RAB38: variants seen among roughly 807,000 people sequenced by gnomAD.
The protein encoded by RAB38 is RAB38, member RAS oncogene family.
A neutral mutation model predicts 18.4 loss-of-function variants in RAB38; 15 were observed. That is an observed-to-expected ratio of 0.82 (90% CI 0.55 to 1.26). RAB38 has a LOEUF of 1.26. Ranked by LOEUF, RAB38 falls within the 50% of genes most tolerant of loss-of-function variation. The pLI is 0.00. For synonymous variants in RAB38, 101 were observed against 104.4 expected (o/e 0.97, Z 0.20); for missense variants, 294 against 267.4 (o/e 1.10, Z -0.69).
the RAB38 span, among the ~76,000 whole-genome samples, chr11:87,944,847 T>C: frequency 1.3e-5 from 2 of 152,070 alleles, no homozygotes; most frequent in East Asian, 3.9e-4. Flanking sequence ...TGGGGGTGTT[T>C]TTGTTTGTTT....
chr11:87,961,846 G>C, the RAB38 span, among the ~76,000 whole-genome samples: 2 of 152,100 alleles, frequency 1.3e-5, no homozygotes, highest in Non-Finnish European at 2.9e-5. Context: ...CATTATTTAT[G>C]TCATATTTAT....
chr11:87,947,147 A>G, the RAB38 span, among the ~76,000 whole-genome samples: 1 of 152,038 alleles, frequency 6.6e-6, no homozygotes, highest in Admixed American at 6.5e-5. Context: ...ACCAGTGATG[A>G]TGAGTATTTT....
chr11:87,926,053 T>C, the RAB38 span, among the ~76,000 whole-genome samples: 34 of 151,994 alleles, frequency 2.2e-4, no homozygotes, highest in Non-Finnish European at 4.4e-4. Context: ...CCCTTTGTGC[T>C]GCACCGAGAG....
At chr11:88,019,538 A>G in the RAB38 span, among the ~76,000 whole-genome samples, 1 of 152,168 alleles carries the variant, frequency 6.6e-6, no homozygotes. Flanking sequence ...AATGTAAATC[A>G]TATAATATCA....
rs934627358 is a variant in RAB38 at position 88,113,326 on chromosome 11, G to A, written c.*662C>T. On this transcript the variant is annotated 3_prime_UTR_variant, in exon 3 of 3. Transcript: ENST00000243662. ...ATAATATATATTACATGTATAGCAT[G>A]TATAGAGGAGCCCCACAGCTTGAGT... The A allele has an allele frequency of 9.2e-5, 14 of 152,602 alleles. No individual in the cohort carries two copies. Among genetic ancestry groups the A allele is most frequent in the African/African-American group, 3.1e-4 (13 of 41,416 alleles). 9.5% of individuals were successfully genotyped at this position (152,602 alleles called of 1,614,324 possible).
At chr11:87,939,855 A>C in the RAB38 span, among the ~76,000 whole-genome samples, 1 of 152,126 alleles carries the variant, frequency 6.6e-6, no homozygotes, top group Non-Finnish European at 1.5e-5. Context: ...GCGTGCCACT[A>C]TACCCCAGCT....
At chr11:88,068,991 C>T in the RAB38 span, among the ~76,000 whole-genome samples, 1 of 152,166 alleles carries the variant, frequency 6.6e-6, no homozygotes. Flanking sequence ...GTGTGGGAGC[C>T]CCTCTCTGGG....
At chr11:88,156,004 A>C (rs911662429) in intron 1 of RAB38, among the ~76,000 whole-genome samples, 14 of 152,234 alleles carry the variant, frequency 9.2e-5, no homozygotes, top group African/African-American at 2.9e-4. Context: ...TAAATGAAGA[A>C]AGTCTTTGAG....
intron 2 of RAB38, among the ~76,000 whole-genome samples, chr11:88,116,252 G>T (rs1019222035): frequency 6.6e-6 from 1 of 152,166 alleles, no homozygotes; most frequent in African/African-American, 2.4e-5. Context: ...GTCCCCTACT[G>T]TGTCCCATTC....
At chr11:88,037,295 C>A in the RAB38 span, among the ~76,000 whole-genome samples, 195 of 152,110 alleles carry the variant, frequency 1.3e-3, no homozygotes, top group Non-Finnish European at 2.4e-3. Flanking sequence ...TTCCCCTCTG[C>A]AGCATTTCAT....
At chr11:87,838,504 TC>T in the RAB38 span, among the ~76,000 whole-genome samples, 4 of 152,200 alleles carry the variant, frequency 2.6e-5, no homozygotes, top group Non-Finnish European at 5.9e-5. Context: ...GTTCAGTCTT[TC>T]TCCAGTTGGT....
the RAB38 span, among the ~76,000 whole-genome samples, chr11:87,828,763 A>C: frequency 2.6e-5 from 4 of 152,038 alleles, no homozygotes; most frequent in Admixed American, 2.6e-4. Context: ...ACTTTTTTTC[A>C]ATTTGTTCAT....
chr11:88,021,333 C>A, the RAB38 span, among the ~76,000 whole-genome samples: 2 of 152,000 alleles, frequency 1.3e-5, no homozygotes, highest in Non-Finnish European at 2.9e-5. Flanking sequence ...ATTGAAAAGT[C>A]TAGATGAAAT....
the RAB38 span, among the ~76,000 whole-genome samples, chr11:88,077,353 T>TA: frequency 1.9e-3 from 291 of 151,146 alleles, 3 homozygotes; most frequent in East Asian, 7.2e-3. Flanking sequence ...GCAATCCTGA[T>TA]TAAAAAAAAC....
chr11:87,930,733 A>G, the RAB38 span, among the ~76,000 whole-genome samples: 8,294 of 152,178 alleles, frequency 0.055, 319 homozygotes, highest in Non-Finnish European at 0.085. Flanking sequence ...ATCTTGAATT[A>G]ATTTTTGTAC....
chr11:87,816,806 G>A, the RAB38 span, among the ~76,000 whole-genome samples: 1 of 151,996 alleles, frequency 6.6e-6, no homozygotes, highest in African/African-American at 2.4e-5. Context: ...TATCCTGGGA[G>A]CTTGTAAAAA....
chr11:87,968,470 C>T, the RAB38 span, among the ~76,000 whole-genome samples: 3 of 152,076 alleles, frequency 2.0e-5, no homozygotes. Context: ...TTCTGGGGCT[C>T]TTAGAAGGAA....
the RAB38 span, among the ~76,000 whole-genome samples, chr11:87,823,844 A>C: frequency 6.6e-6 from 1 of 152,192 alleles, no homozygotes; most frequent in Admixed American, 6.6e-5. Context: ...TTTTAAGAAG[A>C]ATATACAGAG....
chr11:88,060,351 G>T, the RAB38 span: 1 of 152,196 alleles, frequency 6.6e-6, no homozygotes, highest in African/African-American at 2.4e-5. Flanking sequence ...AGACTTTAAA[G>T]AGTGCAAGGA....
Sources: allele counts gnomAD v4.1 joint callset (sites outside exome capture counted in the v4.1 genomes callset), GRCh38; gene constraint gnomAD v4.1.1; transcripts MANE v1.5; gene names NCBI Gene and HGNC (gene_info 2026-07-23, HGNC 2026-07-21).